SPTBN1: variants seen among roughly 807,000 people sequenced by gnomAD.
SPTBN1 encodes the protein spectrin beta chain, non-erythrocytic 1.
A neutral mutation model predicts 266.4 loss-of-function variants in SPTBN1; 32 were observed. That is an observed-to-expected ratio of 0.12 (90% CI 0.09 to 0.16). The LOEUF (loss-of-function observed/expected upper bound fraction) is 0.16, where lower values mean the gene tolerates loss of function less well. Ranked by LOEUF, SPTBN1 falls within the 10% of genes least tolerant of loss-of-function variation. The probability of loss-of-function intolerance (pLI) is 1.00; values close to 1 mark genes in which losing one functional copy is unlikely to be tolerated. For missense variants in SPTBN1, 2,296 were observed against 3,067.1 expected, an observed-to-expected ratio of 0.75 and a Z score of 5.94; for synonymous variants, 1,336 against 1,162.2, an observed-to-expected ratio of 1.15 and a Z score of -3.04.
chr2:54,618,270 T>A, intron 7 of SPTBN1, 77 bp downstream of exon 7: 1 of 1,235,276 alleles, frequency 8.1e-7, no homozygotes, highest in Non-Finnish European at 1.1e-6. Context: ...CTGTTTTGTG[T>A]CAGTCTGTTT....
Position 54,649,023 on chromosome 2 carries a change from C to A in SPTBN1, c.5035C>A (p.Leu1679Met). 6.2e-7 allele frequency: 1 copy of A among 1,613,984 alleles called. No individual in the cohort carries two copies. The highest frequency in any genetic ancestry group is 8.5e-7 in the Non-Finnish European group (1 of 1,179,922). The change falls in exon 25 of 36, where the codon CTG (leucine) becomes ATG (methionine). Residue 1679 changes from leucine (L) to methionine (M), a missense_variant. Transcript: ENST00000356805. The surrounding 1 kb of genome is among the most constrained non-coding windows in gnomAD (Gnocchi z 6.7). ...ISMRQSKVDK[L>M]YAGLKDLAEE... ...CATGCGGCAGTCCAAAGTGGATAAACTGTACGCTGGTCTGAAAGACCTTGC... is the reference window on the plus strand; with the variant it reads ...CATGCGGCAGTCCAAAGTGGATAAAATGTACGCTGGTCTGAAAGACCTTGC...
In SPTBN1 at chr2:54,655,196, T is replaced by C. The variant is rs1237682274; in HGVS notation, c.5949T>C (p.Tyr1983=). The C allele has an allele frequency of 1.1e-5, 17 of 1,613,998 alleles. No individual in the cohort carries two copies. Among genetic ancestry groups the C allele is most frequent in the Non-Finnish European group, 1.4e-5 (16 of 1,179,964 alleles). ...AATCCCTGTTGGCGAGAAAACACTA[T>C]GCATCTGAGGAGGTAGGTTGCTACT... ...LGKSLLARKH[Y]ASEEIKEKLL... is the part of the protein sequence containing the mutation. The change falls in exon 28 of 36, where the codon TAT becomes TAC. Residue 1983 remains tyrosine, a synonymous_variant. Coordinates refer to ENST00000356805, the MANE Select transcript of SPTBN1 (RefSeq NM_003128.3).
intron 2 of SPTBN1, among the ~76,000 whole-genome samples, chr2:54,577,716 A>G (rs1384331072): frequency 6.6e-6 from 1 of 152,220 alleles, no homozygotes; most frequent in Admixed American, 6.5e-5. Flanking sequence ...ACACTTAACT[A>G]GTAAATGGAG....
intron 1 of SPTBN1, among the ~76,000 whole-genome samples, chr2:54,463,313 C>G (rs1425724951): frequency 6.6e-6 from 1 of 152,206 alleles, no homozygotes; most frequent in Non-Finnish European, 1.5e-5. Flanking sequence ...GTGATGATGA[C>G]AAATAGACAA....
intron 2 of SPTBN1, chr2:54,526,772 C>G (rs965842938): frequency 4.2e-6 from 2 of 478,588 alleles, no homozygotes; most frequent in African/African-American, 3.9e-5. Context: ...CAAAATTATT[C>G]AGAGCACAGA....
chr2:54,582,993 C>G (rs182823748), intron 2 of SPTBN1, among the ~76,000 whole-genome samples: 5 of 152,326 alleles, frequency 3.3e-5, no homozygotes, highest in Admixed American at 2.0e-4. Flanking sequence ...CTAGTAAACA[C>G]TCAGTAAACC....
chr2:54,532,283 C>A (rs982398686), intron 2 of SPTBN1, among the ~76,000 whole-genome samples: 1 of 152,052 alleles, frequency 6.6e-6, no homozygotes, highest in Non-Finnish European at 1.5e-5. Context: ...TATGAGACTC[C>A]GTCTCAAAAA....
intron 10 of SPTBN1, 102 bp downstream of exon 10, chr2:54,623,698 GT>G: frequency 1.1e-6 from 1 of 910,898 alleles, no homozygotes; most frequent in Non-Finnish European, 1.7e-6. Context: ...GGAAGGGGCT[GT>G]CCCCACCTGC....
chr2:54,648,046 A>T (rs185101002), intron 24 of SPTBN1, among the ~76,000 whole-genome samples: 1 of 152,374 alleles, frequency 6.6e-6, no homozygotes, highest in East Asian at 1.9e-4. Flanking sequence ...TAACTCTTCG[A>T]TATCAAGTGA....
At chr2:54,495,424 C>G (rs2104058045) in intron 1 of SPTBN1, among the ~76,000 whole-genome samples, 1 of 152,246 alleles carries the variant, frequency 6.6e-6, no homozygotes, top group East Asian at 1.9e-4. Flanking sequence ...CTCTGTCTTG[C>G]TAGACAGTTC....
chr2:54,631,748 T>G, intron 16 of SPTBN1, 137 bp downstream of exon 16: 1 of 1,154,024 alleles, frequency 8.7e-7, no homozygotes, highest in African/African-American at 1.5e-5. Context: ...GATTTTTTTT[T>G]CCCCATACTC....
chr2:54,511,729 T>A (rs569381800), intron 1 of SPTBN1, among the ~76,000 whole-genome samples: 1 of 151,680 alleles, frequency 6.6e-6, no homozygotes, highest in Admixed American at 6.6e-5. Flanking sequence ...CCAGGTGTGG[T>A]GGTGGCGCAT....
chr2:54,596,600 G>C (rs1256986505), intron 2 of SPTBN1, among the ~76,000 whole-genome samples: 1 of 152,172 alleles, frequency 6.6e-6, no homozygotes, highest in African/African-American at 2.4e-5. Flanking sequence ...CTTGCACTTC[G>C]TGGGGCCTGC....
At chr2:54,474,229 G>A (rs1667685426) in intron 1 of SPTBN1, among the ~76,000 whole-genome samples, 1 of 152,200 alleles carries the variant, frequency 6.6e-6, no homozygotes. Flanking sequence ...AGATAAAATA[G>A]TGCTTCAGAT....
Position 54,670,961 on chromosome 2 carries a change from T to A in SPTBN1, c.*2392T>A, listed in dbSNP as rs1681664778. On this transcript the variant is annotated 3_prime_UTR_variant, in exon 36 of 36. Coordinates refer to ENST00000356805, the MANE Select transcript of SPTBN1 (RefSeq NM_003128.3). ...GTAAATAGTTTTTGGGTTTTTTGTT[T>A]TTTTTTTATTCTTCCACTATCATGT... The A allele has an allele frequency of 2.5e-6, 1 of 397,176 alleles. No homozygotes were observed. The highest frequency in any genetic ancestry group is 2.1e-5 in the African/African-American group (1 of 48,574). The allele number at this position is 397,176 out of a possible 1,614,324, so 24.6% of individuals were successfully genotyped here. A position where few individuals can be genotyped will look rare whatever the true frequency, so the allele number is the denominator to read the frequency against.
At chr2:54,536,806 A>C (rs1573365943) in intron 2 of SPTBN1, among the ~76,000 whole-genome samples, 1 of 152,036 alleles carries the variant, frequency 6.6e-6, no homozygotes, top group African/African-American at 2.4e-5. Flanking sequence ...CTGAGGTGGG[A>C]GGATTGTTTG....
At chr2:54,655,450 C>G (rs1278341876) in intron 28 of SPTBN1, among the ~76,000 whole-genome samples, 1 of 152,196 alleles carries the variant, frequency 6.6e-6, no homozygotes, top group African/African-American at 2.4e-5. Flanking sequence ...CGCATCCTCC[C>G]CAATCAGTAC....
chr2:54,592,616 G>A (rs956038273), intron 2 of SPTBN1, among the ~76,000 whole-genome samples: 10 of 152,164 alleles, frequency 6.6e-5, no homozygotes, highest in Non-Finnish European at 1.3e-4. Flanking sequence ...AACTACTTCT[G>A]ACCTCAGGTA....
Position 54,646,437 on chromosome 2 carries a change from G to A in SPTBN1, c.4828G>A (p.Glu1610Lys), listed in dbSNP as rs746876587. 49 of 1,581,390 alleles carry A rather than the reference G, an allele frequency of 3.1e-5. No individual in the cohort carries two copies. The highest frequency in any genetic ancestry group is 3.9e-5 in the Non-Finnish European group (45 of 1,164,164). ...TGCTGAGGCCGAAGCCTGGATGAGC[G>A]AGCAGGAGCTGTACATGATGTCAGA... is the stretch of plus-strand genomic sequence containing the variant. ...DAAEAEAWMS[E>K]QELYMMSEEK... Residue 1610 changes from glutamate to lysine, a missense_variant, in exon 23 of 36, where the codon GAG becomes AAG. Glu to Lys is a moderately conservative substitution (Grantham distance 56). Around this residue, in one of 12 missense-constraint regions of SPTBN1, gnomAD observed 644 missense variants for 745.3 expected, o/e 0.86. Coordinates refer to ENST00000356805, the MANE Select transcript of SPTBN1 (RefSeq NM_003128.3). This position sits in a 1 kb window ranked among gnomAD's most constrained non-coding sequence, Gnocchi z 4.4.
Sources: gnomAD v4.1 joint callset for allele counts (sites outside exome capture counted in the v4.1 genomes callset) on GRCh38, gnomAD v4.1.1 for gene constraint, gnomAD v4.1.1 regional missense constraint, Gnocchi (gnomAD v3.1) non-coding constraint, MANE v1.5 for transcripts, NCBI Gene and HGNC (gene_info 2026-07-23, HGNC 2026-07-21) for gene names.